The following WDR73 variants were observed in gnomAD, a reference collection of about 807,000 sequenced individuals.
WDR73 encodes the protein integrator complex assembly factor WDR73.
WDR73 carries 30 observed loss-of-function variants against 38.2 expected under a neutral mutation model. That is an observed-to-expected ratio of 0.79 (90% CI 0.59 to 1.06). WDR73 has a LOEUF of 1.06. Among genes scored for constraint, WDR73 ranks in the 50% least tolerant of loss-of-function variants. The pLI is 0.00. For missense variants in WDR73, 487 were observed against 467.0 expected (o/e 1.04, Z -0.40); for synonymous variants, 197 against 176.0 (o/e 1.12, Z -0.94).
Position 84,639,789 on chromosome 15 carries a change from C to T in WDR73, c.*3681G>A, listed in dbSNP as rs1896204486. 6.6e-6 allele frequency: 1 copy of T among 152,222 alleles called. No individual in the cohort carries two copies. The highest frequency in any genetic ancestry group is 6.5e-5 in the Admixed American group (1 of 15,272). 9.4% of individuals were successfully genotyped at this position (152,222 alleles called of 1,614,324 possible). ...CTCAGAGGCCTGGATCCACGAAAAA[C>T]TCCGCACCTGCCATCGAAACCACCA... On this transcript the variant is annotated 3_prime_UTR_variant, in exon 8 of 8. Transcript: ENST00000434634.
intron 1 of WDR73, chr15:84,653,964 G>A (rs1896707555): frequency 1.7e-6 from 1 of 604,486 alleles, no homozygotes; most frequent in Non-Finnish European, 2.9e-6. Flanking sequence ...TGTGTTCTGA[G>A]CTGAACTCAG....
rs142466881 is a variant in WDR73, at chr15:84,648,523, A to G, written c.287+14T>C. On this transcript the variant is annotated intron_variant, in intron 4 of 7. Coordinates refer to ENST00000434634, the MANE Select transcript of WDR73 (RefSeq NM_032856.5). ...CATCCTGTGTGGATGGCTGGATCAC[A>G]AAATTGACCATACCTGGTATGTGGC... 322 of 1,606,476 alleles carry G rather than the reference A, an allele frequency of 2.0e-4. 1 individual carries two copies. In the African/African-American group the frequency reaches 3.8e-3, roughly 19 times the overall value.
chr15:84,652,011 G>T (rs898981881), intron 3 of WDR73, among the ~76,000 whole-genome samples: 18 of 152,152 alleles, frequency 1.2e-4, no homozygotes, highest in Middle Eastern at 3.2e-3. Context: ...GGGATTACAG[G>T]TGTGCGCCAC....
intron 3 of WDR73, among the ~76,000 whole-genome samples, chr15:84,649,993 G>A (rs1423110724): frequency 1.3e-5 from 2 of 152,144 alleles, no homozygotes. Flanking sequence ...ATGCATTTTA[G>A]CCAGCACTCC....
At chr15:84,651,022 G>C (rs1483994262) in intron 3 of WDR73, among the ~76,000 whole-genome samples, 1 of 152,024 alleles carries the variant, frequency 6.6e-6, no homozygotes, top group Non-Finnish European at 1.5e-5. Flanking sequence ...TGCTGAAGTG[G>C]GAGGATGGCT....
chr15:84,653,419 C>G (rs1260367671), intron 2 of WDR73: 3 of 460,634 alleles, frequency 6.5e-6, no homozygotes, highest in Non-Finnish European at 1.2e-5. Context: ...ATCCGCCTGC[C>G]TCGGCCTCCC....
At position 84,642,325 on chromosome 15, in the gene WDR73, G is replaced by A. The variant is rs960324037; in HGVS notation, c.*1145C>T. Reference sequence around the variant, plus strand: ...ACTGCACTCAAGCCTGGGTGACAGAGCAAGACTCCATCTCTACTACAAAAA... The same window carrying A: ...ACTGCACTCAAGCCTGGGTGACAGAACAAGACTCCATCTCTACTACAAAAA... On this transcript the variant is annotated 3_prime_UTR_variant, in exon 8 of 8. Coordinates refer to ENST00000434634, the MANE Select transcript of WDR73 (RefSeq NM_032856.5). 1 of 142,556 alleles carries A rather than the reference G, an allele frequency of 7.0e-6. No homozygotes were observed. The highest frequency in any genetic ancestry group is 2.7e-5 in the African/African-American group (1 of 37,508). The allele number at this position is 142,556 out of a possible 1,614,324, so 8.8% of individuals were successfully genotyped here.
chr15:84,643,727 A>G lies in WDR73; in HGVS notation c.884-4T>C. On this transcript the variant is annotated splice_polypyrimidine_tract_variant and splice_region_variant and intron_variant, in intron 7 of 7. Transcript: ENST00000434634. ...ACCTGGACTGTACCATCAAAACCTG[A>G]GAATACAGAAAAGAGAGGCTTGACA... 3 of 1,610,638 alleles carry G rather than the reference A, an allele frequency of 1.9e-6. No individual in the cohort carries two copies. Among genetic ancestry groups the G allele is most frequent in the East Asian group, 4.5e-5 (2 of 44,802 alleles).
chr15:84,643,134 C>A lies in WDR73; in HGVS notation c.*336G>T. 4.7e-6 allele frequency: 1 copy of A among 212,798 alleles called. No individual in the cohort carries two copies. Among genetic ancestry groups the A allele is most frequent in the Non-Finnish European group, 9.3e-6 (1 of 107,400 alleles). The allele number at this position is 212,798 out of a possible 1,614,324, so 13.2% of individuals were successfully genotyped here. A position where few individuals can be genotyped will look rare whatever the true frequency, so the allele number is the denominator to read the frequency against. Reference sequence around the variant, plus strand: ...CTACATTTTTTTCTTTAAAAAAATTCACAAAGCATGTTTATATTTGTTAGC... The same window carrying A: ...CTACATTTTTTTCTTTAAAAAAATTAACAAAGCATGTTTATATTTGTTAGC... On this transcript the variant is annotated 3_prime_UTR_variant, in exon 8 of 8. Transcript: ENST00000434634.
Position 84,653,632 on chromosome 15 carries a change from CTT to C in WDR73, c.107_108del (p.Lys36ArgfsTer8), listed in dbSNP as rs1567025877. On this transcript the variant is annotated frameshift_variant and splice_region_variant, in exon 2 of 8. Transcript: ENST00000434634. LOFTEE classifies it high-confidence loss of function. Reference sequence around the variant, plus strand: ...CTTCAGGGCTAGAAAGGTATACCACCTTTGTCATCAATCCATTCAAGGACTCG... The same window carrying C: ...CTTCAGGGCTAGAAAGGTATACCACCTGTCATCAATCCATTCAAGGACTCG... ...ATRVLEWIDDKGVFVAGYESL... is the reference protein window; with the variant it reads ...ATRVLEWIDDXGVFVAGYESL... The C allele has an allele frequency of 1.9e-6, 3 of 1,587,538 alleles. No homozygotes were observed. Among genetic ancestry groups the C allele is most frequent in the Admixed American group, 3.6e-5 (2 of 56,162 alleles).
At chr15:84,646,104 C>G in intron 6 of WDR73, 80 bp downstream of exon 6, 2 of 1,599,074 alleles carry the variant, frequency 1.3e-6, no homozygotes, top group Middle Eastern at 3.3e-4. Flanking sequence ...GAGAGTTGAA[C>G]TCAGTTTTTA....
chr15:84,643,924 T>C lies in WDR73; in HGVS notation c.884-201A>G, dbSNP rs970112796. ...CCAGCCCCTAAAATACTTTTTATAA[T>C]TTGTTCTATGGTACCAAAACAGGCT... On this transcript the variant is annotated intron_variant, in intron 7 of 7. Coordinates refer to ENST00000434634, the MANE Select transcript of WDR73 (RefSeq NM_032856.5). 3.5e-5 allele frequency: 20 copies of C among 575,238 alleles called. 1 individual carries two copies. Among genetic ancestry groups the C allele is most frequent in the Middle Eastern group, 5.0e-4 (1 of 1,992 alleles). 35.6% of individuals were successfully genotyped at this position (575,238 alleles called of 1,614,324 possible). A position where few individuals can be genotyped will look rare whatever the true frequency, so the allele number is the denominator to read the frequency against.
At chr15:84,653,512 A>G (rs1290673306) in intron 2 of WDR73, 120 bp downstream of exon 2, 1 of 692,348 alleles carries the variant, frequency 1.4e-6, no homozygotes, top group East Asian at 2.8e-5. Flanking sequence ...TGGGGCATCA[A>G]ATTGCTACAA....
At position 84,643,307 on chromosome 15, in the gene WDR73, C is replaced by A; in HGVS notation, c.*163G>T. The stretch of plus-strand genomic sequence containing the variant: ...ACTACGAGGTAGTTCTTACTATCCT[C>A]ATTTTACAGATAAGGAAACTGAGGC... On this transcript the variant is annotated 3_prime_UTR_variant, in exon 8 of 8. Coordinates refer to ENST00000434634, the MANE Select transcript of WDR73 (RefSeq NM_032856.5). 1.2e-6 allele frequency: 1 copy of A among 805,866 alleles called. No homozygotes were observed. Among genetic ancestry groups the A allele is most frequent in the Non-Finnish European group, 1.9e-6 (1 of 522,022 alleles). 49.9% of individuals were successfully genotyped at this position (805,866 alleles called of 1,614,324 possible).
At position 84,643,667 on chromosome 15, in the gene WDR73, GGCTCCGTGTTCCA is replaced by G; in HGVS notation, c.927_939del (p.Gly310LysfsTer8). 1 of 1,268,882 alleles carries G rather than the reference GGCTCCGTGTTCCA, an allele frequency of 7.9e-7. No individual in the cohort carries two copies. The allele number at this position is 1,268,882 out of a possible 1,614,324, so 78.6% of individuals were successfully genotyped here. On this transcript the variant is annotated frameshift_variant, in exon 8 of 8. Coordinates refer to ENST00000434634, the MANE Select transcript of WDR73 (RefSeq NM_032856.5). LOFTEE classifies it high-confidence loss of function. ...TCTACTTGGCTCCGTGTTCCATCTT[GGCTCCGTGTTCCA>G]TCCCAAGATGTGGCATCATAGACCT...
Position 84,645,473 on chromosome 15 carries a change from G to C in WDR73, c.881C>G (p.Ser294Ter), listed in dbSNP as rs777569178. 5.6e-6 allele frequency: 9 copies of C among 1,612,112 alleles called. No homozygotes were observed. The highest frequency in any genetic ancestry group is 7.6e-6 in the Non-Finnish European group (9 of 1,178,912). Reference protein sequence around the residue: ...APGLKNCLAISGFDGTVQVYD... With the variant: ...APGLKNCLAI ...GACGAAATCCTGCTCGGCAGTACCT[G>C]AGATGGCCAAGCAATTCTTCAGGCC... is the stretch of plus-strand genomic sequence containing the variant. Residue 294 changes from serine (S) to a stop codon, truncating the protein, a stop_gained and splice_region_variant, in exon 7 of 8, where the codon TCA becomes TGA. Transcript: ENST00000434634. LOFTEE classifies it high-confidence loss of function.
Position 84,645,605 on chromosome 15 carries a change from A to G in WDR73, c.749T>C (p.Leu250Pro). ...SIASLGSDGR[L>P]CLLDPRDLCH... ...GAGATCCCGGGGGTCAAGAAGACAA[A>G]GACGCCCATCTGAGCCAAGGCTGGC... The change falls in exon 7 of 8, where the codon CTT becomes CCT. Residue 250 changes from leucine (L) to proline (P), a missense_variant. Transcript: ENST00000434634. 3.7e-6 allele frequency: 6 copies of G among 1,610,318 alleles called. No homozygotes were observed. Among genetic ancestry groups the G allele is most frequent in the Non-Finnish European group, 4.2e-6 (5 of 1,178,452 alleles).
intron 3 of WDR73, among the ~76,000 whole-genome samples, 162 bp from the exon 4 acceptor site, chr15:84,648,787 C>A (rs1039391471): frequency 7.2e-5 from 11 of 152,218 alleles, no homozygotes; most frequent in African/African-American, 2.4e-4. Context: ...TTGGTCTCAG[C>A]TGCCTACACG....
In WDR73 at chr15:84,642,767, ATT is replaced by A. The variant is rs74199620; in HGVS notation, c.*701_*702del. 7 of 140,290 alleles carry A rather than the reference ATT, an allele frequency of 5.0e-5. No homozygotes were observed. The highest frequency in any genetic ancestry group is 2.1e-4 in the East Asian group (1 of 4,792). The allele number at this position is 140,290 out of a possible 1,614,324, so 8.7% of individuals were successfully genotyped here. A position where few individuals can be genotyped will look rare whatever the true frequency, so the allele number is the denominator to read the frequency against. On this transcript the variant is annotated 3_prime_UTR_variant, in exon 8 of 8. Coordinates refer to ENST00000434634, the MANE Select transcript of WDR73 (RefSeq NM_032856.5). ...GGCATGAGCCACCATGCCCAGCCAA[ATT>A]TTTTTTTTTTTTTAAGGGAAGGGAT...
Sources: allele counts gnomAD v4.1 joint callset (sites outside exome capture counted in the v4.1 genomes callset), GRCh38; gene constraint gnomAD v4.1.1; transcripts MANE v1.5; gene names NCBI Gene and HGNC (gene_info 2026-07-23, HGNC 2026-07-21).